Variants in CCSER1 observed in about 807,000 individuals in gnomAD.
The protein encoded by CCSER1 is serine-rich coiled-coil domain-containing protein 1.
CCSER1 carries 41 observed loss-of-function variants against 82.0 expected under a neutral mutation model. The ratio of observed to expected loss-of-function variants is 0.50; its 90% CI spans 0.39 to 0.65. The LOEUF (loss-of-function observed/expected upper bound fraction) is 0.65, where lower values mean the gene tolerates loss of function less well. CCSER1 is among the 30% of genes least tolerant of loss of function. The pLI, the probability that CCSER1 is intolerant of heterozygous loss-of-function variation, is 0.00. For missense variants in CCSER1, 1,119 were observed against 1,064.2 expected (o/e 1.05, Z -0.72); for synonymous variants, 414 against 383.9 (o/e 1.08, Z -0.92).
chr4:90,344,301 A>G (rs1741943450), intron 3 of CCSER1, among the ~76,000 whole-genome samples: 1 of 152,202 alleles, frequency 6.6e-6, no homozygotes, highest in Admixed American at 6.5e-5. Flanking sequence ...TATTCTTGAC[A>G]TACAAATAAT....
chr4:91,491,454 TTATCA>T (rs1758538096), intron 10 of CCSER1, among the ~76,000 whole-genome samples: 1 of 152,082 alleles, frequency 6.6e-6, no homozygotes, highest in African/African-American at 2.4e-5. Flanking sequence ...TACCTCGGTA[TTATCA>T]TATACATCAA....
intron 6 of CCSER1, chr4:90,649,562 G>C (rs1026015882): frequency 1.3e-5 from 2 of 152,190 alleles, no homozygotes; most frequent in Non-Finnish European, 2.9e-5. Context: ...GCCAGGAAGA[G>C]AGCCATCACC....
At chr4:90,649,779 T>C (rs1175552628) in intron 6 of CCSER1, among the ~76,000 whole-genome samples, 2 of 152,186 alleles carry the variant, frequency 1.3e-5, no homozygotes, top group Non-Finnish European at 2.9e-5. Flanking sequence ...ATAACTATAA[T>C]ACATTTCCAA....
chr4:90,579,772 C>A (rs182690021), intron 5 of CCSER1, among the ~76,000 whole-genome samples: 1 of 151,914 alleles, frequency 6.6e-6, no homozygotes, highest in Non-Finnish European at 1.5e-5. Context: ...TTCATTTTCC[C>A]ACTCAGTTAA....
At chr4:91,436,429 C>A (rs762585699) in intron 10 of CCSER1, among the ~76,000 whole-genome samples, 12 of 152,054 alleles carry the variant, frequency 7.9e-5, no homozygotes, top group Non-Finnish European at 1.8e-4. Context: ...AAATTTTTCT[C>A]CAAAAATTTT....
At chr4:90,588,216 A>G (rs1782252846) in intron 5 of CCSER1, among the ~76,000 whole-genome samples, 1 of 152,166 alleles carries the variant, frequency 6.6e-6, no homozygotes, top group African/African-American at 2.4e-5. Context: ...TTCACTCACA[A>G]GAGATTTTTC....
intron 1 of CCSER1, among the ~76,000 whole-genome samples, chr4:90,182,081 G>C (rs1733830010): frequency 6.6e-6 from 1 of 152,000 alleles, no homozygotes; most frequent in South Asian, 2.1e-4. Context: ...ATGTTTTTGA[G>C]AAAAAGGTTT....
At position 91,496,595 on chromosome 4, in the gene CCSER1, TATATTTGA is replaced by T. The variant is rs1758829886; in HGVS notation, c.2218-101972_2218-101965del. ...ATATATATATATATATACACGAATATATATTTGAATATATATATACACGAATATATATT... is the reference window on the plus strand; with the variant it reads ...ATATATATATATATATACACGAATATATATATATATACACGAATATATATT... On this transcript the variant is annotated intron_variant, in intron 10 of 10. Transcript: ENST00000509176. Among the ~76,000 whole-genome samples, 26 of 23,392 alleles carry T rather than the reference TATATTTGA, an allele frequency of 1.1e-3. 2 individuals are homozygous for T. Among genetic ancestry groups the T allele is most frequent in the Non-Finnish European group, 2.3e-3 (20 of 8,608 alleles). 15.3% of individuals were successfully genotyped at this position (23,392 alleles called of 152,430 possible). A position where few individuals can be genotyped will look rare whatever the true frequency, so the allele number is the denominator to read the frequency against.
At chr4:90,211,946 A>G (rs1287661553) in intron 1 of CCSER1, among the ~76,000 whole-genome samples, 1 of 152,214 alleles carries the variant, frequency 6.6e-6, no homozygotes, top group East Asian at 1.9e-4. Context: ...TAACAGGACA[A>G]ACGATCTTAG....
Position 91,368,048 on chromosome 4 carries a change from G to C in CCSER1, c.2218-230524G>C, listed in dbSNP as rs376423431. The stretch of plus-strand genomic sequence containing the variant: ...TACAATTTTCCTATGTGGATATTTG[G>C]TAAAAATATAATGATAGTATTTTTC... On this transcript the variant is annotated intron_variant, in intron 10 of 10. Coordinates refer to ENST00000509176, the MANE Select transcript of CCSER1 (RefSeq NM_001145065.2). 1.6e-4 allele frequency among the ~76,000 whole-genome samples: 25 copies of C among 152,112 alleles called. No individual in the cohort carries two copies. In the East Asian group the frequency reaches 4.2e-3, roughly 26 times the overall value.
intron 1 of CCSER1, among the ~76,000 whole-genome samples, chr4:90,193,682 C>T (rs1382277359): frequency 6.6e-6 from 1 of 151,718 alleles, no homozygotes; most frequent in Non-Finnish European, 1.5e-5. Flanking sequence ...AATATTCCAC[C>T]TAAGCTAGCG....
chr4:91,467,402 A>C (rs1756982472), intron 10 of CCSER1, among the ~76,000 whole-genome samples: 1 of 152,244 alleles, frequency 6.6e-6, no homozygotes, highest in Non-Finnish European at 1.5e-5. Flanking sequence ...AAAACTCTAG[A>C]AGAAATCCTA....
intron 6 of CCSER1, among the ~76,000 whole-genome samples, chr4:90,694,907 G>A (rs539199125): frequency 2.5e-4 from 38 of 151,384 alleles, no homozygotes; most frequent in African/African-American, 8.2e-4. Context: ...AAGAAAAGAC[G>A]TTTTGAAATC....
intron 10 of CCSER1, among the ~76,000 whole-genome samples, chr4:91,105,298 C>CA (rs369285677): frequency 3.0e-4 from 45 of 151,890 alleles, no homozygotes; most frequent in African/African-American, 9.9e-4. Flanking sequence ...CTGTTTCCCT[C>CA]AAAAAAAGGG....
At chr4:90,494,937 G>T (rs1281639059) in intron 5 of CCSER1, among the ~76,000 whole-genome samples, 1 of 151,782 alleles carries the variant, frequency 6.6e-6, no homozygotes, top group Non-Finnish European at 1.5e-5. Context: ...CCTTGTTTTG[G>T]TTACTGACCC....
intron 10 of CCSER1, among the ~76,000 whole-genome samples, chr4:91,548,813 G>A (rs1351699428): frequency 1.3e-5 from 2 of 151,820 alleles, no homozygotes; most frequent in African/African-American, 4.8e-5. Context: ...ATTTTCTGAA[G>A]TTTAAATATG....
intron 1 of CCSER1, among the ~76,000 whole-genome samples, chr4:90,239,018 T>G (rs1746335724): frequency 6.6e-6 from 1 of 152,100 alleles, no homozygotes; most frequent in African/African-American, 2.4e-5. Flanking sequence ...ACCCAGCTAA[T>G]TTTTGTATTT....
chr4:91,045,676 T>C (rs13134559), intron 9 of CCSER1, among the ~76,000 whole-genome samples: 56,209 of 151,996 alleles, frequency 0.37, 11,651 homozygotes, highest in East Asian at 0.63. Context: ...TTGATAGATA[T>C]AATTCTTTTT....
intron 10 of CCSER1, among the ~76,000 whole-genome samples, chr4:91,448,157 T>G (rs1157058246): frequency 1.3e-5 from 2 of 152,134 alleles, no homozygotes; most frequent in Non-Finnish European, 2.9e-5. Flanking sequence ...GTATTAATGC[T>G]CTACCTTTCC....
Sources: allele counts gnomAD v4.1 joint callset (sites outside exome capture counted in the v4.1 genomes callset), GRCh38; gene constraint gnomAD v4.1.1; transcripts MANE v1.5; gene names NCBI Gene and HGNC (gene_info 2026-07-23, HGNC 2026-07-21).